DYRK1A: variants seen among roughly 807,000 people sequenced by gnomAD.
The protein encoded by DYRK1A is dual specificity tyrosine phosphorylation regulated kinase 1A.
DYRK1A carries 9 observed loss-of-function variants against 79.7 expected under a neutral mutation model. That is an observed-to-expected ratio of 0.11 (90% CI 0.07 to 0.20). The LOEUF (loss-of-function observed/expected upper bound fraction) is 0.20, where lower values mean the gene tolerates loss of function less well. DYRK1A is among the 10% of genes least tolerant of loss of function. The pLI, the probability that DYRK1A is intolerant of heterozygous loss-of-function variation, is 1.00. For synonymous variants in DYRK1A, 349 were observed against 329.7 expected (o/e 1.06, Z -0.63); for missense variants, 622 against 956.0 (o/e 0.65, Z 4.61).
At chr21:37,373,930 T>G (rs1383090097) in intron 1 of DYRK1A, among the ~76,000 whole-genome samples, 1 of 152,212 alleles carries the variant, frequency 6.6e-6, no homozygotes, top group Non-Finnish European at 1.5e-5. Flanking sequence ...TGGATTGCAT[T>G]AGTTAATAAG....
At chr21:37,375,163 T>A (rs2049512105) in intron 1 of DYRK1A, 1 of 152,198 alleles carries the variant, frequency 6.6e-6, no homozygotes, top group South Asian at 2.1e-4. Flanking sequence ...TAGTGAATGG[T>A]TGGCCCAGTT....
chr21:37,408,856 ACTATTAGC>A (rs1244740906), intron 1 of DYRK1A, among the ~76,000 whole-genome samples: 1 of 152,182 alleles, frequency 6.6e-6, no homozygotes, highest in Non-Finnish European at 1.5e-5. Flanking sequence ...TGTAGTTGAG[ACTATTAGC>A]CTTCTGGAGG....
At chr21:37,445,714 A>G (rs906664167) in intron 2 of DYRK1A, among the ~76,000 whole-genome samples, 1 of 152,148 alleles carries the variant, frequency 6.6e-6, no homozygotes, top group Non-Finnish European at 1.5e-5. Context: ...TTTTTTCCCC[A>G]TTGGAGTACA....
At position 37,513,648 on chromosome 21, in the gene DYRK1A, T is replaced by G. The variant is rs1166130188; in HGVS notation, c.*1117T>G. The G allele has an allele frequency of 2.0e-5, 3 of 152,792 alleles. No individual in the cohort carries two copies. The highest frequency in any genetic ancestry group is 4.8e-5 in the African/African-American group (2 of 41,588). 9.5% of individuals were successfully genotyped at this position (152,792 alleles called of 1,614,324 possible). A position where few individuals can be genotyped will look rare whatever the true frequency, so the allele number is the denominator to read the frequency against. ...GTGTCCCTTCCTGCTTTTTACTTTTTCTTTTGCTTTTTCTCGGCACGTGGT... is the reference window on the plus strand; with the variant it reads ...GTGTCCCTTCCTGCTTTTTACTTTTGCTTTTGCTTTTTCTCGGCACGTGGT... On this transcript the variant is annotated 3_prime_UTR_variant, in exon 12 of 12. Coordinates refer to ENST00000647188, the MANE Select transcript of DYRK1A (RefSeq NM_001347721.2).
chr21:37,469,987 T>C (rs1481319309), intron 2 of DYRK1A, among the ~76,000 whole-genome samples: 31 of 152,016 alleles, frequency 2.0e-4, no homozygotes, highest in Admixed American at 2.0e-3. Context: ...CTACTAAAAA[T>C]ACAAAAAATT....
At position 37,431,258 on chromosome 21, in the gene DYRK1A, C is replaced by T. The variant is rs541825261; in HGVS notation, c.10+10874C>T. Among the ~76,000 whole-genome samples, 5 of 152,314 alleles carry T rather than the reference C, an allele frequency of 3.3e-5. No individual in the cohort carries two copies. In the South Asian group the frequency reaches 8.3e-4, roughly 25 times the overall value. On this transcript the variant is annotated intron_variant, in intron 2 of 11. Coordinates refer to ENST00000647188, the MANE Select transcript of DYRK1A (RefSeq NM_001347721.2). ...CTGCTGGGGTGGCTGTTGGCTCCTT[C>T]GCTTGCTGTTAGTTTTAAAGGATTG...
chr21:37,488,895 C>T, intron 6 of DYRK1A: 1 of 981,184 alleles, frequency 1.0e-6, no homozygotes, highest in South Asian at 4.7e-5. Context: ...AGTTTTAAAC[C>T]TATAAACTGA....
intron 2 of DYRK1A, among the ~76,000 whole-genome samples, chr21:37,438,404 G>C (rs1462034093): frequency 1.3e-5 from 2 of 151,326 alleles, no homozygotes; most frequent in Non-Finnish European, 1.5e-5. Context: ...AAACGTTTTT[G>C]CCTATGTTTG....
chr21:37,472,024 C>T (rs1310163790), intron 2 of DYRK1A, among the ~76,000 whole-genome samples: 2 of 152,126 alleles, frequency 1.3e-5, no homozygotes, highest in Non-Finnish European at 2.9e-5. Flanking sequence ...ATGGTTCATC[C>T]TACCCGTAGG....
chr21:37,423,890 TTAAG>T (rs753094388), intron 2 of DYRK1A, among the ~76,000 whole-genome samples: 4 of 152,150 alleles, frequency 2.6e-5, no homozygotes, highest in East Asian at 3.8e-4. Flanking sequence ...ATATATGAAT[TTAAG>T]TACTTAAAAC....
At chr21:37,451,350 G>GTCCCTCCC (rs2051440749) in intron 2 of DYRK1A, among the ~76,000 whole-genome samples, 4 of 123,356 alleles carry the variant, frequency 3.2e-5, no homozygotes, top group South Asian at 2.8e-4. Context: ...CTTCCTCTCC[G>GTCCCTCCC]TCCCTCCATC....
At chr21:37,484,661 C>G (rs2052788785) in intron 5 of DYRK1A, among the ~76,000 whole-genome samples, 1 of 152,134 alleles carries the variant, frequency 6.6e-6, no homozygotes, top group African/African-American at 2.4e-5. Flanking sequence ...TTCCTGACAT[C>G]TACCATGCAA....
chr21:37,473,642 G>C (rs2052301749), intron 3 of DYRK1A, among the ~76,000 whole-genome samples: 1 of 151,920 alleles, frequency 6.6e-6, no homozygotes, highest in African/African-American at 2.4e-5. Flanking sequence ...CTTTTGTTTA[G>C]GTCTTTTAAT....
chr21:37,512,407 C>G lies in DYRK1A; in HGVS notation c.2141C>G (p.Ser714Cys), dbSNP rs572876706. Residue 714 changes from serine to cysteine, a missense_variant, in exon 12 of 12, where the codon TCT (serine) becomes TGT (cysteine). Physicochemically the swap from Ser to Cys is moderately radical, Grantham distance 112 (BLOSUM62 -1). Transcript: ENST00000647188. Reference sequence around the variant, plus strand: ...GCTGGACATCCAACATACCAATTTTCTGCTAATACAGGTCCTGCACATTAC... The same window carrying G: ...GCTGGACATCCAACATACCAATTTTGTGCTAATACAGGTCCTGCACATTAC... ...GIAGHPTYQF[S>C]ANTGPAHYMT... 4 of 1,614,232 alleles carry G rather than the reference C, an allele frequency of 2.5e-6. No individual in the cohort carries two copies. The highest frequency in any genetic ancestry group is 3.4e-6 in the Non-Finnish European group (4 of 1,180,048).
chr21:37,394,135 A>G (rs1041106856), intron 1 of DYRK1A, among the ~76,000 whole-genome samples: 5 of 152,088 alleles, frequency 3.3e-5, no homozygotes, highest in African/African-American at 1.2e-4. Context: ...AAAAAGAAAG[A>G]TAACTTTTTT....
chr21:37,402,262 C>A (rs111637565), intron 1 of DYRK1A, among the ~76,000 whole-genome samples: 1 of 152,204 alleles, frequency 6.6e-6, no homozygotes, highest in Admixed American at 6.5e-5. Context: ...TAACACTCTT[C>A]GGCATTTCTT....
chr21:37,453,460 C>G (rs2051526946), intron 2 of DYRK1A, among the ~76,000 whole-genome samples: 1 of 151,906 alleles, frequency 6.6e-6, no homozygotes, highest in Non-Finnish European at 1.5e-5. Context: ...GGGTTTTGTT[C>G]TCACAGTGAG....
Position 37,467,256 on chromosome 21 carries a change from C to A in DYRK1A, c.11-5428C>A, listed in dbSNP as rs1179196890. Among the ~76,000 whole-genome samples the A allele has an allele frequency of 2.0e-5, 3 of 152,106 alleles. No homozygotes were observed. In the East Asian group the frequency reaches 5.8e-4, roughly 29 times the overall value. On this transcript the variant is annotated intron_variant, in intron 2 of 11. Transcript: ENST00000647188. Reference sequence around the variant, plus strand: ...TGGAAAATCTTTTTTTGTTTGTTTTCACAGGATCTTGCCCTGGGCTAGAGT... The same window carrying A: ...TGGAAAATCTTTTTTTGTTTGTTTTAACAGGATCTTGCCCTGGGCTAGAGT...
intron 2 of DYRK1A, among the ~76,000 whole-genome samples, chr21:37,462,284 T>G (rs2051866649): frequency 6.6e-6 from 1 of 152,182 alleles, no homozygotes; most frequent in Non-Finnish European, 1.5e-5. Context: ...TGTTGTTCTC[T>G]TTAAAGAGTG....
Sources: allele counts gnomAD v4.1 joint callset (sites outside exome capture counted in the v4.1 genomes callset), GRCh38; gene constraint gnomAD v4.1.1; transcripts MANE v1.5; gene names NCBI Gene and HGNC (gene_info 2026-07-23, HGNC 2026-07-21).